The following WDR27 variants were observed in gnomAD, a reference collection of about 807,000 sequenced individuals.
WDR27 encodes WD repeat domain 27, also known as WD repeat-containing protein 27.
Under a neutral mutation model 114.4 loss-of-function variants are expected in WDR27, and 100 were observed. The observed-to-expected ratio is 0.87, with a 90% CI of 0.74 to 1.03. WDR27 has a LOEUF of 1.03. Ranked by LOEUF, WDR27 falls within the 50% of genes least tolerant of loss-of-function variation. The pLI is 0.00. For missense variants in WDR27, 1,129 were observed against 1,092.9 expected, an observed-to-expected ratio of 1.03 and a Z score of -0.47; for synonymous variants, 449 against 423.1, an observed-to-expected ratio of 1.06 and a Z score of -0.75.
intron 25 of WDR27, among the ~76,000 whole-genome samples, chr6:169,478,613 A>G (rs1222679035): frequency 3.3e-5 from 5 of 152,350 alleles, no homozygotes; most frequent in African/African-American, 1.2e-4. Context: ...TATGTGCCAC[A>G]ACAAAGCAAT....
At chr6:169,444,528 G>A in the WDR27 span, among the ~76,000 whole-genome samples, 41 of 152,292 alleles carry the variant, frequency 2.7e-4, no homozygotes, top group Admixed American at 9.8e-4. Flanking sequence ...GGCCAGAGCC[G>A]GCAGGGGCCA....
chr6:169,639,795 G>A (rs1818706570), intron 17 of WDR27, among the ~76,000 whole-genome samples: 2 of 152,128 alleles, frequency 1.3e-5, no homozygotes, highest in South Asian at 2.1e-4. Context: ...ATAACCCCTA[G>A]AACGGCTGTC....
chr6:169,659,869 T>C lies in WDR27; in HGVS notation c.1130-351A>G, dbSNP rs960736752. On this transcript the variant is annotated intron_variant, in intron 10 of 25. Coordinates refer to ENST00000448612, the MANE Select transcript of WDR27 (RefSeq NM_182552.5). The surrounding 1 kb of genome is among the most constrained non-coding windows in gnomAD (Gnocchi z 4.3). ...AATGTGTAATTAGAGCTGTGACCAT[T>C]TGGGGGAAGGAAAGGCTGAGTTTTC... is the stretch of plus-strand genomic sequence containing the variant. Among the ~76,000 whole-genome samples, 19 of 151,536 alleles carry C rather than the reference T, an allele frequency of 1.3e-4. No homozygotes were observed. Among genetic ancestry groups the C allele is most frequent in the South Asian group, 4.2e-4 (2 of 4,778 alleles).
intron 25 of WDR27, among the ~76,000 whole-genome samples, chr6:169,530,112 G>A (rs1795414244): frequency 6.6e-6 from 1 of 152,220 alleles, no homozygotes; most frequent in African/African-American, 2.4e-5. Flanking sequence ...ATGAGTGTTT[G>A]CAGAGCCGAA....
intron 25 of WDR27, among the ~76,000 whole-genome samples, chr6:169,509,329 C>T (rs1440747547): frequency 6.6e-6 from 1 of 152,172 alleles, no homozygotes; most frequent in Non-Finnish European, 1.5e-5. Context: ...CAAGTCAATC[C>T]TAAGCCAAAA....
the WDR27 span, among the ~76,000 whole-genome samples, chr6:169,434,771 CA>C: frequency 6.6e-6 from 1 of 151,996 alleles, no homozygotes; most frequent in African/African-American, 2.4e-5. Context: ...CATAAAAGTT[CA>C]AAAAATTTGC....
At chr6:169,513,024 A>C (rs2115538585) in intron 25 of WDR27, among the ~76,000 whole-genome samples, 1 of 152,356 alleles carries the variant, frequency 6.6e-6, no homozygotes, top group Non-Finnish European at 1.5e-5. Flanking sequence ...CGTTCCAGTT[A>C]CTTATTGTTG....
In WDR27 at chr6:169,600,479, GT is replaced by G. The variant is rs572441524; in HGVS notation, c.2424+1739del. Among the ~76,000 whole-genome samples the G allele has an allele frequency of 7.9e-5, 12 of 152,346 alleles. No homozygotes were observed. The South Asian group carries it at 2.3e-3, about 29-fold the overall frequency. Reference sequence around the variant, plus strand: ...GCTGGACGGAGAATGACTTTGACAAGTTGAGAGAAGAAGGCTTCGGACGATC... The same window carrying G: ...GCTGGACGGAGAATGACTTTGACAAGTGAGAGAAGAAGGCTTCGGACGATC... On this transcript the variant is annotated intron_variant, in intron 23 of 25. Transcript: ENST00000448612.
chr6:169,522,221 T>C (rs1258212880), intron 25 of WDR27, among the ~76,000 whole-genome samples: 1 of 151,964 alleles, frequency 6.6e-6, no homozygotes, highest in Non-Finnish European at 1.5e-5. Context: ...TCAAAGACTG[T>C]AAAAAGAGAC....
chr6:169,450,269 G>A, the WDR27 span, among the ~76,000 whole-genome samples: 3 of 151,916 alleles, frequency 2.0e-5, no homozygotes, highest in Non-Finnish European at 2.9e-5. Flanking sequence ...TGCAGCCCCA[G>A]GCAGCAGGGA....
intron 25 of WDR27, among the ~76,000 whole-genome samples, chr6:169,476,697 C>T (rs1339219525): frequency 6.6e-6 from 1 of 152,094 alleles, no homozygotes; most frequent in African/African-American, 2.4e-5. Context: ...AGTTCCTAGA[C>T]ACTTTCAAGT....
At chr6:169,564,414 T>C (rs1800132645) in intron 25 of WDR27, among the ~76,000 whole-genome samples, 1 of 152,198 alleles carries the variant, frequency 6.6e-6, no homozygotes. Context: ...GCCAGGACAA[T>C]ACTTTGCGTC....
rs527600801 is a variant in WDR27, at chr6:169,670,283, A to G, written c.456+286T>C. ...TAGGAAGGATGCCTACAATCAGGGA[A>G]TATCTGAGAAATAATAGTTTTGCAG... is the stretch of plus-strand genomic sequence containing the variant. On this transcript the variant is annotated intron_variant, in intron 4 of 25. Transcript: ENST00000448612. 3.6e-5 allele frequency: 9 copies of G among 253,466 alleles called. 1 individual carries two copies. The highest frequency in any genetic ancestry group is 1.6e-4 in the African/African-American group (7 of 44,720). 15.7% of individuals were successfully genotyped at this position (253,466 alleles called of 1,614,324 possible).
chr6:169,652,515 G>A (rs1355647715), intron 13 of WDR27, among the ~76,000 whole-genome samples: 1 of 151,652 alleles, frequency 6.6e-6, no homozygotes, highest in Admixed American at 6.6e-5. Context: ...CCAAAATGCT[G>A]GGATTACAGG....
chr6:169,468,016 C>A (rs1294828412), intron 25 of WDR27, among the ~76,000 whole-genome samples: 1 of 152,178 alleles, frequency 6.6e-6, no homozygotes, highest in East Asian at 1.9e-4. Context: ...CCGCCAGATA[C>A]CCTAAATCAT....
the WDR27 span, among the ~76,000 whole-genome samples, chr6:169,429,926 A>G: frequency 6.6e-6 from 1 of 152,168 alleles, no homozygotes; most frequent in Non-Finnish European, 1.5e-5. Flanking sequence ...GGTATTTGCC[A>G]CGGTGTGGTA....
chr6:169,501,642 G>C (rs1276391266), intron 25 of WDR27, among the ~76,000 whole-genome samples: 1 of 152,200 alleles, frequency 6.6e-6, no homozygotes, highest in Non-Finnish European at 1.5e-5. Context: ...TGTAGGACTC[G>C]CCTGCATGTT....
intron 25 of WDR27, among the ~76,000 whole-genome samples, chr6:169,497,334 A>G (rs1790534368): frequency 6.6e-6 from 1 of 152,142 alleles, no homozygotes; most frequent in Non-Finnish European, 1.5e-5. Context: ...AAACACAGGA[A>G]AAAAGCTTTC....
At chr6:169,540,043 C>T (rs534546966) in intron 25 of WDR27, among the ~76,000 whole-genome samples, 1 of 152,338 alleles carries the variant, frequency 6.6e-6, no homozygotes, top group East Asian at 1.9e-4. Flanking sequence ...TCTATAGCTA[C>T]AACCAGGTTT....
Sources: allele counts gnomAD v4.1 joint callset (sites outside exome capture counted in the v4.1 genomes callset), GRCh38; gene constraint gnomAD v4.1.1; non-coding constraint Gnocchi (gnomAD v3.1); transcripts MANE v1.5; gene names NCBI Gene and HGNC (gene_info 2026-07-23, HGNC 2026-07-21).